The following SHANK2 variants were observed in gnomAD, a reference collection of about 807,000 sequenced individuals.
The protein encoded by SHANK2 is SH3 and multiple ankyrin repeat domains protein 2.
Under a neutral mutation model 133.7 loss-of-function variants are expected in SHANK2, and 43 were observed. That is an observed-to-expected ratio of 0.32 (90% CI 0.25 to 0.41). The LOEUF (loss-of-function observed/expected upper bound fraction) is 0.41, where lower values mean the gene tolerates loss of function less well. SHANK2 is among the 10% of genes least tolerant of loss of function. The probability of loss-of-function intolerance (pLI) is 1.00; values close to 1 mark genes in which losing one functional copy is unlikely to be tolerated. For missense variants in SHANK2, 1,994 were observed against 2,235.8 expected (o/e 0.89, Z 2.18); for synonymous variants, 1,017 against 952.8 (o/e 1.07, Z -1.24).
intron 15 of SHANK2, among the ~76,000 whole-genome samples, chr11:70,695,919 G>C (rs917630426): frequency 6.6e-6 from 1 of 152,226 alleles, no homozygotes; most frequent in African/African-American, 2.4e-5. Flanking sequence ...TCTGATCAAG[G>C]CTGAAGCTTT....
intron 25 of SHANK2, among the ~76,000 whole-genome samples, chr11:70,475,863 A>G (rs1555150002): frequency 6.6e-6 from 1 of 152,170 alleles, no homozygotes; most frequent in African/African-American, 2.4e-5. Flanking sequence ...GCTCACACCA[A>G]CAGGCACAAG....
rs1017409526 is a variant in SHANK2 at position 70,535,176 on chromosome 11, A to G, written c.2062-32245T>C. On this transcript the variant is annotated intron_variant, in intron 17 of 25. Transcript: ENST00000601538. The surrounding 1 kb of genome is among the most constrained non-coding windows in gnomAD (Gnocchi z 4.3). ...AACACCTTCCTCCCTCCCACCCTCT[A>G]TTATCCATTTTCCATCCATCTGCTC... 6.6e-6 allele frequency among the ~76,000 whole-genome samples: 1 copy of G among 151,892 alleles called. No homozygotes were observed. Among genetic ancestry groups the G allele is most frequent in the Non-Finnish European group, 1.5e-5 (1 of 67,950 alleles).
chr11:70,534,906 C>T (rs1428887639), intron 17 of SHANK2, among the ~76,000 whole-genome samples: 1 of 152,016 alleles, frequency 6.6e-6, no homozygotes, highest in Non-Finnish European at 1.5e-5. Context: ...TTCGGCCCAA[C>T]AGAGATGAGG....
chr11:70,794,974 C>G (rs1555048816), intron 14 of SHANK2, among the ~76,000 whole-genome samples: 1 of 152,070 alleles, frequency 6.6e-6, no homozygotes, highest in Non-Finnish European at 1.5e-5. Flanking sequence ...GTAAATCACA[C>G]CTCTATAAAA....
chr11:70,482,190 C>T (rs936841253), intron 25 of SHANK2, among the ~76,000 whole-genome samples: 1 of 152,264 alleles, frequency 6.6e-6, no homozygotes, highest in Non-Finnish European at 1.5e-5. Flanking sequence ...TAGTCCAACT[C>T]TGAGTGTAAA....
chr11:70,693,616 C>A (rs1945333638), intron 15 of SHANK2, among the ~76,000 whole-genome samples: 1 of 152,156 alleles, frequency 6.6e-6, no homozygotes, highest in Non-Finnish European at 1.5e-5. Context: ...TTATTGTGTA[C>A]CTTTACTAAT....
chr11:70,745,251 C>A (rs1160449304), intron 14 of SHANK2, among the ~76,000 whole-genome samples: 1 of 152,256 alleles, frequency 6.6e-6, no homozygotes, highest in Non-Finnish European at 1.5e-5. Flanking sequence ...TGCCTTTGAG[C>A]CTCTGCCTCA....
intron 14 of SHANK2, among the ~76,000 whole-genome samples, chr11:70,717,521 T>C (rs2134632911): frequency 6.6e-6 from 1 of 152,008 alleles, no homozygotes; most frequent in East Asian, 1.9e-4. Context: ...CAGGACACAG[T>C]CCCCCTAAAA....
chr11:70,519,804 C>T (rs782717375), intron 17 of SHANK2, among the ~76,000 whole-genome samples: 12 of 151,932 alleles, frequency 7.9e-5, no homozygotes, highest in Non-Finnish European at 1.5e-4. Flanking sequence ...GGCATGATCT[C>T]AGCTCACTGC....
At chr11:71,181,477 A>C (rs1555113744) in intron 2 of SHANK2, among the ~76,000 whole-genome samples, 1 of 152,158 alleles carries the variant, frequency 6.6e-6, no homozygotes, top group East Asian at 1.9e-4. Context: ...AAAAGCAAAC[A>C]AACAAACAAA....
intron 3 of SHANK2, 86 bp from the exon 4 acceptor site, chr11:71,119,118 G>T: frequency 8.4e-7 from 1 of 1,191,542 alleles, no homozygotes; most frequent in Non-Finnish European, 1.2e-6. Context: ...GAGAGGCAAA[G>T]CTGCTTCCAC....
chr11:70,661,485 T>C (rs782222118), intron 16 of SHANK2, 111 bp downstream of exon 16: 3 of 1,136,480 alleles, frequency 2.6e-6, no homozygotes, highest in Non-Finnish European at 3.9e-6. Flanking sequence ...GGGGAACGTT[T>C]TTCATGCAGG....
At chr11:71,127,158 A>G (rs1952207647) in intron 3 of SHANK2, among the ~76,000 whole-genome samples, 1 of 152,204 alleles carries the variant, frequency 6.6e-6, no homozygotes, top group South Asian at 2.1e-4. Context: ...TGGAATTAGA[A>G]GTGGGGCTGA....
At chr11:71,160,541 T>C (rs1476947905) in intron 2 of SHANK2, among the ~76,000 whole-genome samples, 2 of 152,246 alleles carry the variant, frequency 1.3e-5, no homozygotes, top group Non-Finnish European at 1.5e-5. Flanking sequence ...AGTCAGAAGG[T>C]AACCCTCTGC....
chr11:70,480,260 C>T (rs1405409378), intron 25 of SHANK2, among the ~76,000 whole-genome samples: 1 of 152,240 alleles, frequency 6.6e-6, no homozygotes, highest in Non-Finnish European at 1.5e-5. Flanking sequence ...TCCTGGTTTT[C>T]TGCAAGGTTG....
rs929865851 is a variant in SHANK2 at position 70,807,316 on chromosome 11, G to C, written c.1494-145C>G. 11 of 638,784 alleles carry C rather than the reference G, an allele frequency of 1.7e-5. No homozygotes were observed. Among genetic ancestry groups the C allele is most frequent in the Admixed American group, 5.4e-5 (2 of 36,828 alleles). The allele number at this position is 638,784 out of a possible 1,614,324, so 39.6% of individuals were successfully genotyped here. The stretch of plus-strand genomic sequence containing the variant: ...CTCCTGATGCCAGACAGGAAGATGG[G>C]AACAGGCCGGGGCAGCACTGTGGTC... On this transcript the variant is annotated intron_variant, in intron 12 of 25. Coordinates refer to ENST00000601538, the MANE Select transcript of SHANK2 (RefSeq NM_012309.5). The surrounding 1 kb of genome is among the most constrained non-coding windows in gnomAD (Gnocchi z 4.8).
intron 2 of SHANK2, among the ~76,000 whole-genome samples, chr11:71,217,375 C>T (rs996071321): frequency 4.6e-5 from 7 of 151,128 alleles, no homozygotes; most frequent in Non-Finnish European, 7.4e-5. Flanking sequence ...GGCACGGTGG[C>T]GCGCCTGTAA....
Position 70,488,993 on chromosome 11 carries a change from G to A in SHANK2, c.2572+335C>T, listed in dbSNP as rs186238754. On this transcript the variant is annotated intron_variant, in intron 24 of 25. Transcript: ENST00000601538. ...GACACGCACACACACCGACAGACGC[G>A]TGGCACAGGGATTTCATGTTGGGAG... is the stretch of plus-strand genomic sequence containing the variant. 6.6e-4 allele frequency: 228 copies of A among 346,978 alleles called. 2 individuals carry two copies. Among genetic ancestry groups the A allele is most frequent in the East Asian group, 4.2e-3 (58 of 13,926 alleles). The allele number at this position is 346,978 out of a possible 1,614,324, so 21.5% of individuals were successfully genotyped here.
At chr11:70,741,929 C>A (rs1173180945) in intron 14 of SHANK2, among the ~76,000 whole-genome samples, 4 of 152,198 alleles carry the variant, frequency 2.6e-5, no homozygotes, top group Admixed American at 2.6e-4. Flanking sequence ...TGCTGGTGGA[C>A]CCTGAGAACT....
Sources: gnomAD v4.1 joint callset for allele counts (sites outside exome capture counted in the v4.1 genomes callset) on GRCh38, gnomAD v4.1.1 for gene constraint, Gnocchi (gnomAD v3.1) non-coding constraint, MANE v1.5 for transcripts, NCBI Gene and HGNC (gene_info 2026-07-23, HGNC 2026-07-21) for gene names.